CD99L2: variants seen among roughly 807,000 people sequenced by gnomAD.
CD99L2 encodes CD99 molecule like 2.
In CD99L2, 24 loss-of-function variants were observed where a neutral mutation model predicts 27.3. The observed-to-expected ratio is 0.88, with a 90% CI of 0.64 to 1.24. The LOEUF is 1.24. Ranked by LOEUF, CD99L2 falls within the 50% of genes most tolerant of loss-of-function variation. The probability of loss-of-function intolerance (pLI) is 0.00; values close to 1 mark genes in which losing one functional copy is unlikely to be tolerated. For synonymous variants in CD99L2, 97 were observed against 87.9 expected, an observed-to-expected ratio of 1.10 and a Z score of -0.58; for missense variants, 255 against 221.6, an observed-to-expected ratio of 1.15 and a Z score of -0.96.
rs782789131 is a variant in CD99L2, at chrX:150,806,429, C to A, written c.277+8433G>T. 6.3e-5 allele frequency among the ~76,000 whole-genome samples: 7 copies of A among 111,707 alleles called. No homozygotes were observed. The South Asian group carries it at 2.3e-3, about 36-fold the overall frequency. On this transcript the variant is annotated intron_variant, in intron 4 of 10. Transcript: ENST00000370377. Reference sequence around the variant, plus strand: ...CACCACTACGCCCAGCTAATTTTTTCATCTTCTGTAGAGACGGGGTCTTGC... The same window carrying A: ...CACCACTACGCCCAGCTAATTTTTTAATCTTCTGTAGAGACGGGGTCTTGC...
intron 1 of CD99L2, among the ~76,000 whole-genome samples, chrX:150,865,301 C>T (rs782692915): frequency 1.3e-4 from 14 of 109,789 alleles, no homozygotes; most frequent in Admixed American, 2.9e-4. Context: ...AGTTTGAGAC[C>T]GGCCTGGGCA....
In CD99L2 at chrX:150,795,268, T is replaced by A; in HGVS notation, c.368A>T (p.Asp123Val). The A allele has an allele frequency of 8.3e-7, 1 of 1,211,980 alleles. No homozygotes were observed. Among genetic ancestry groups the A allele is most frequent in the Non-Finnish European group, 1.1e-6 (1 of 895,545 alleles). The change falls in exon 6 of 11, where the codon GAT becomes GTT. Residue 123 changes from aspartate (D) to valine (V), a missense_variant. Transcript: ENST00000370377. ...NTLGNDFDLA[D>V]ALDDRNDRDD... ...TCGATCATTTCGATCATCCAGGGCATCAGCCAAGTCAAAATCATTTCCTTC... is the reference window on the plus strand; with the variant it reads ...TCGATCATTTCGATCATCCAGGGCAACAGCCAAGTCAAAATCATTTCCTTC...
At chrX:150,829,419 C>T (rs1311285291) in intron 2 of CD99L2, 3 of 327,861 alleles carry the variant, frequency 9.2e-6, no homozygotes, top group Non-Finnish European at 1.8e-5. Flanking sequence ...GTGATGCAAC[C>T]ACAAACCAAG....
chrX:150,874,918 C>G (rs1557422273), intron 1 of CD99L2, among the ~76,000 whole-genome samples: 1 of 111,747 alleles, frequency 8.9e-6, no homozygotes, highest in African/African-American at 3.3e-5. Context: ...TAGCTCCCCT[C>G]CACAAACTAG....
chrX:150,778,445 ATGTACCACTC>A (rs1171393678), intron 7 of CD99L2, among the ~76,000 whole-genome samples: 1 of 92,207 alleles, frequency 1.1e-5, no homozygotes, highest in Non-Finnish European at 2.1e-5. Flanking sequence ...GGTTGTAAAA[ATGTACCACTC>A]TGGCAGGGTG....
At chrX:150,816,212 C>T in intron 2 of CD99L2, 134 bp from the exon 3 acceptor site, 1 of 553,803 alleles carries the variant, frequency 1.8e-6, no homozygotes, top group Non-Finnish European at 3.1e-6. Flanking sequence ...TAGCTAGGAG[C>T]TCCAGAGAAT....
chrX:150,795,699 G>A (rs1047736064), intron 4 of CD99L2, among the ~76,000 whole-genome samples: 7 of 111,836 alleles, frequency 6.3e-5, no homozygotes, highest in Non-Finnish European at 1.9e-5. Context: ...GGGGATGGGG[G>A]TTATGAGGCA....
intron 1 of CD99L2, among the ~76,000 whole-genome samples, chrX:150,855,132 G>C (rs1187617615): frequency 8.9e-6 from 1 of 111,860 alleles, no homozygotes; most frequent in African/African-American, 3.3e-5. Context: ...GCTGTGGTTT[G>C]TACTGTGTCT....
At chrX:150,771,190 C>T (rs1158838101) in intron 9 of CD99L2, among the ~76,000 whole-genome samples, 1 of 112,269 alleles carries the variant, frequency 8.9e-6, no homozygotes, top group East Asian at 2.8e-4. Flanking sequence ...ACCGACCGAC[C>T]GACCGACCAG....
At chrX:150,836,921 C>T (rs1470284786) in intron 1 of CD99L2, among the ~76,000 whole-genome samples, 2 of 111,990 alleles carry the variant, frequency 1.8e-5, no homozygotes, top group Non-Finnish European at 3.8e-5. Flanking sequence ...TCTTATGAGC[C>T]CAACATTGTA....
At chrX:150,793,814 C>T (rs936099003) in intron 6 of CD99L2, 58 bp from the exon 7 acceptor site, 2 of 995,214 alleles carry the variant, frequency 2.0e-6, no homozygotes, top group African/African-American at 3.9e-5. Flanking sequence ...CAACAAGAAA[C>T]TTGTGCTAAT....
At chrX:150,782,704 T>C (rs2045532374) in intron 7 of CD99L2, among the ~76,000 whole-genome samples, 1 of 111,656 alleles carries the variant, frequency 9.0e-6, no homozygotes, top group Non-Finnish European at 1.9e-5. Context: ...GAAATGAATG[T>C]GGAAATAGGT....
intron 9 of CD99L2, chrX:150,771,789 G>A (rs2043461280): frequency 8.7e-7 from 1 of 1,155,353 alleles, no homozygotes; most frequent in Middle Eastern, 2.3e-4. Context: ...AAGTGAGGAA[G>A]GCAAAGCAGC....
intron 4 of CD99L2, 124 bp downstream of exon 4, chrX:150,814,738 G>A: frequency 7.2e-6 from 4 of 554,076 alleles, no homozygotes; most frequent in Non-Finnish European, 1.2e-5. Flanking sequence ...CTGTTACAGG[G>A]TTCTCCAGTG....
In CD99L2 at chrX:150,766,502, C is replaced by T. The variant is rs781816901; in HGVS notation, c.*2532G>A. 5 of 111,651 alleles carry T rather than the reference C, an allele frequency of 4.5e-5. No homozygotes were observed. Among genetic ancestry groups the T allele is most frequent in the Non-Finnish European group, 9.4e-5 (5 of 53,135 alleles). The allele number at this position is 111,651 out of a possible 1,213,427, so 9.2% of individuals were successfully genotyped here. A position where few individuals can be genotyped will look rare whatever the true frequency, so the allele number is the denominator to read the frequency against. ...CCCCAGCCCCTGTCCCAGAGCCTCC[C>T]CTCTGGGTCCCACCCCAGAAGCCAC... On this transcript the variant is annotated 3_prime_UTR_variant, in exon 11 of 11. Coordinates refer to ENST00000370377, the MANE Select transcript of CD99L2 (RefSeq NM_031462.4).
intron 9 of CD99L2, among the ~76,000 whole-genome samples, chrX:150,773,439 G>C (rs915838200): frequency 2.7e-5 from 3 of 112,927 alleles, no homozygotes; most frequent in African/African-American, 9.6e-5. Context: ...CTTTTACCCA[G>C]CATGCTTTTT....
At chrX:150,817,375 A>G (rs1044481386) in intron 2 of CD99L2, among the ~76,000 whole-genome samples, 4 of 111,133 alleles carry the variant, frequency 3.6e-5, no homozygotes, top group Admixed American at 2.9e-4. Flanking sequence ...TTAACATATT[A>G]AGATCCTCAA....
At chrX:150,790,492 C>T (rs183751597) in intron 7 of CD99L2, among the ~76,000 whole-genome samples, 6 of 111,128 alleles carry the variant, frequency 5.4e-5, no homozygotes, top group Non-Finnish European at 1.1e-4. Context: ...GTAAAGGAAC[C>T]GACCTAAGTA....
At chrX:150,809,262 C>T (rs782690848) in intron 4 of CD99L2, among the ~76,000 whole-genome samples, 18 of 111,345 alleles carry the variant, frequency 1.6e-4, no homozygotes, top group Non-Finnish European at 3.4e-4. Flanking sequence ...TAACTCATTA[C>T]AAAAGCAATA....
Sources: gnomAD v4.1 joint callset for allele counts (sites outside exome capture counted in the v4.1 genomes callset) on GRCh38, gnomAD v4.1.1 for gene constraint, MANE v1.5 for transcripts, NCBI Gene and HGNC (gene_info 2026-07-23, HGNC 2026-07-21) for gene names.